Variants in BRSK1 observed in about 807,000 individuals in gnomAD.
BRSK1 encodes serine/threonine-protein kinase BRSK1.
BRSK1 carries 17 observed loss-of-function variants against 86.2 expected under a neutral mutation model. The observed-to-expected ratio is 0.20, with a 90% CI of 0.14 to 0.30. BRSK1 has a LOEUF of 0.30. Among genes scored for constraint, BRSK1 ranks in the 10% least tolerant of loss-of-function variants. The pLI is 1.00. For missense variants in BRSK1, 719 were observed against 1,071.9 expected, an observed-to-expected ratio of 0.67 and a Z score of 4.60; for synonymous variants, 464 against 440.1, an observed-to-expected ratio of 1.05 and a Z score of -0.68.
chr19:55,308,744 G>A lies in BRSK1; in HGVS notation c.2179+16G>A, dbSNP rs577384206. On this transcript the variant is annotated intron_variant, in intron 18 of 18. Transcript: ENST00000309383. ...GCCCTGGCAGGTGGGTGGTGGGGCC[G>A]TGGGTGGTGGGGGGCGTGGGTGGCG... 2.6e-5 allele frequency: 33 copies of A among 1,290,940 alleles called. No homozygotes were observed. Among genetic ancestry groups the A allele is most frequent in the African/African-American group, 3.3e-5 (2 of 60,190 alleles). 80.0% of individuals were successfully genotyped at this position (1,290,940 alleles called of 1,614,324 possible). A position where few individuals can be genotyped will look rare whatever the true frequency, so the allele number is the denominator to read the frequency against.
chr19:55,306,160 C>T lies in BRSK1; in HGVS notation c.1891-92C>T. On this transcript the variant is annotated intron_variant, in intron 16 of 18. Transcript: ENST00000309383. The surrounding 1 kb of genome is among the most constrained non-coding windows in gnomAD (Gnocchi z 4.7). ...CTGTCCTTCTTTCCCTCCAGTGGCTCATGGGACTCGTAGTTCCTTGGCCAG... is the reference window on the plus strand; with the variant it reads ...CTGTCCTTCTTTCCCTCCAGTGGCTTATGGGACTCGTAGTTCCTTGGCCAG... 1.5e-6 allele frequency: 2 copies of T among 1,300,496 alleles called. No individual in the cohort carries two copies. The highest frequency in any genetic ancestry group is 2.2e-6 in the Non-Finnish European group (2 of 929,566). 80.6% of individuals were successfully genotyped at this position (1,300,496 alleles called of 1,614,324 possible).
In BRSK1 at chr19:55,312,069, C is replaced by T; in HGVS notation, c.*1C>T. ...CACCAACGGGACCCCTCTGCCCTGA[C>T]CCCACGGGGCCGGGGAGGGAGGGGA... On this transcript the variant is annotated 3_prime_UTR_variant, in exon 19 of 19. Coordinates refer to ENST00000309383, the MANE Select transcript of BRSK1 (RefSeq NM_032430.2). 1 of 1,419,496 alleles carries T rather than the reference C, an allele frequency of 7.0e-7. No homozygotes were observed. Among genetic ancestry groups the T allele is most frequent in the Non-Finnish European group, 9.2e-7 (1 of 1,083,398 alleles). 87.9% of individuals were successfully genotyped at this position (1,419,496 alleles called of 1,614,324 possible). A position where few individuals can be genotyped will look rare whatever the true frequency, so the allele number is the denominator to read the frequency against.
At position 55,303,834 on chromosome 19, in the gene BRSK1, C is replaced by A. The variant is rs1184037106; in HGVS notation, c.1286+8C>A. On this transcript the variant is annotated splice_region_variant and intron_variant, in intron 12 of 18. Coordinates refer to ENST00000309383, the MANE Select transcript of BRSK1 (RefSeq NM_032430.2). The surrounding 1 kb of genome is among the most constrained non-coding windows in gnomAD (Gnocchi z 5.1). ...GGCCCAGCACAGCCAGAGGTGGGAG[C>A]CCCTGTCCCTCCAGGAGGATCCACA... The A allele has an allele frequency of 1.3e-6, 2 of 1,560,470 alleles. No homozygotes were observed. Among genetic ancestry groups the A allele is most frequent in the African/African-American group, 1.4e-5 (1 of 73,274 alleles).
intron 4 of BRSK1, among the ~76,000 whole-genome samples, chr19:55,290,300 T>A (rs1171273294): frequency 1.3e-5 from 2 of 152,088 alleles, no homozygotes; most frequent in Admixed American, 1.3e-4. Flanking sequence ...CCGGCCTCTT[T>A]GCCCATCTTT....
intron 7 of BRSK1, among the ~76,000 whole-genome samples, chr19:55,301,224 G>C (rs1568985668): frequency 6.6e-6 from 1 of 152,200 alleles, no homozygotes. Flanking sequence ...ACCTTTTGTT[G>C]AATGAGTGAA....
intron 14 of BRSK1, 114 bp downstream of exon 14, chr19:55,305,034 TC>T: frequency 6.8e-7 from 1 of 1,465,648 alleles, no homozygotes; most frequent in Non-Finnish European, 9.1e-7. Context: ...GGGCCTGGAT[TC>T]CCACGTTCTA....
chr19:55,304,731 C>T lies in BRSK1; in HGVS notation c.1528C>T (p.Arg510Cys), dbSNP rs1170669002. 2.0e-6 allele frequency: 3 copies of T among 1,522,080 alleles called. No homozygotes were observed. The highest frequency in any genetic ancestry group is 2.6e-6 in the Non-Finnish European group (3 of 1,140,308). 94.3% of individuals were successfully genotyped at this position (1,522,080 alleles called of 1,614,324 possible). A position where few individuals can be genotyped will look rare whatever the true frequency, so the allele number is the denominator to read the frequency against. ...TPLPGPPGSP[R>C]SSGGTPLHSP... The stretch of plus-strand genomic sequence containing the variant: ...CCTGCCCGGCCCCCCAGGCTCCCCG[C>T]GCTCCTCTGGCGGGACCCCCTTGCA... Residue 510 changes from arginine (R) to cysteine (C), a missense_variant, in exon 14 of 19, where the codon CGC becomes TGC. Around this residue, in one of 6 missense-constraint regions of BRSK1, gnomAD observed 143 missense variants for 120.1 expected, o/e 1.19. Transcript: ENST00000309383. This position sits in a 1 kb window ranked among gnomAD's most constrained non-coding sequence, Gnocchi z 5.2.
At chr19:55,300,118 G>T (rs1181183764) in intron 7 of BRSK1, among the ~76,000 whole-genome samples, 1 of 152,194 alleles carries the variant, frequency 6.6e-6, no homozygotes, top group Non-Finnish European at 1.5e-5. Context: ...TGAGTGTCGA[G>T]TGTGTGTCAG....
Position 55,312,371 on chromosome 19 carries a change from C to A in BRSK1, c.*303C>A. On this transcript the variant is annotated 3_prime_UTR_variant, in exon 19 of 19. Coordinates refer to ENST00000309383, the MANE Select transcript of BRSK1 (RefSeq NM_032430.2). ...AGCTGGTTGGGGTGGCTTAGCAGAT[C>A]CGGACAGGGCCCTCTGTCCCTGTGT... 1 of 198,116 alleles carries A rather than the reference C, an allele frequency of 5.0e-6. No individual in the cohort carries two copies. The highest frequency in any genetic ancestry group is 1.0e-5 in the Non-Finnish European group (1 of 99,202). 12.3% of individuals were successfully genotyped at this position (198,116 alleles called of 1,614,324 possible). A position where few individuals can be genotyped will look rare whatever the true frequency, so the allele number is the denominator to read the frequency against.
intron 3 of BRSK1, among the ~76,000 whole-genome samples, chr19:55,289,033 G>T (rs1259620330): frequency 6.6e-6 from 1 of 152,196 alleles, no homozygotes; most frequent in Non-Finnish European, 1.5e-5. Context: ...GGAATTAGAG[G>T]CTTGGCTTTC....
intron 7 of BRSK1, among the ~76,000 whole-genome samples, chr19:55,297,056 A>G (rs944272746): frequency 3.9e-5 from 6 of 152,136 alleles, no homozygotes; most frequent in South Asian, 4.1e-4. Flanking sequence ...GAAAAGAAAA[A>G]GAATACATAA....
chr19:55,304,941 G>T lies in BRSK1; in HGVS notation c.1717+21G>T, dbSNP rs371983341. 6.2e-7 allele frequency: 1 copy of T among 1,602,262 alleles called. No individual in the cohort carries two copies. The highest frequency in any genetic ancestry group is 1.1e-5 in the South Asian group (1 of 90,852). The stretch of plus-strand genomic sequence containing the variant: ...GCAGGGTATGGGGGCATGAACTGCC[G>T]AGTCCTAATGTGGGGAGAGGTTGGG... On this transcript the variant is annotated intron_variant, in intron 14 of 18. Coordinates refer to ENST00000309383, the MANE Select transcript of BRSK1 (RefSeq NM_032430.2). The surrounding 1 kb of genome is among the most constrained non-coding windows in gnomAD (Gnocchi z 5.2).
chr19:55,308,673 C>T lies in BRSK1; in HGVS notation c.2124C>T (p.Thr708=). 1 of 1,602,662 alleles carries T rather than the reference C, an allele frequency of 6.2e-7. No homozygotes were observed. Among genetic ancestry groups the T allele is most frequent in the South Asian group, 1.1e-5 (1 of 90,874 alleles). Residue 708 remains threonine (T), a synonymous_variant, in exon 18 of 19, where the codon ACC becomes ACT. Transcript: ENST00000309383. ...PSRRFKRVVE[T]IQAQLLSTHD... ...GTCGGTTCAAGCGAGTGGTGGAGAC[C>T]ATCCAGGCACAGCTCCTGAGCACTC...
chr19:55,304,087 T>C lies in BRSK1; in HGVS notation c.1324T>C (p.Ser442Pro), dbSNP rs1301900896. The C allele has an allele frequency of 6.2e-7, 1 of 1,612,816 alleles. No individual in the cohort carries two copies. Among genetic ancestry groups the C allele is most frequent in the Non-Finnish European group, 8.5e-7 (1 of 1,179,816 alleles). The change falls in exon 13 of 19, where the codon TCC becomes CCC. Residue 442 changes from serine to proline, a missense_variant. Physicochemically the swap from Ser to Pro is moderately conservative, Grantham distance 74. Around this residue, in one of 6 missense-constraint regions of BRSK1, gnomAD observed 168 missense variants for 246.3 expected, o/e 0.68. Coordinates refer to ENST00000309383, the MANE Select transcript of BRSK1 (RefSeq NM_032430.2). The surrounding 1 kb of genome is among the most constrained non-coding windows in gnomAD (Gnocchi z 5.2). ...CAGTGGAGCCTCCACGGGTCTGTCC[T>C]CCAGCCCTCTAAGCAGCCCAAGGGT... Reference protein sequence around the residue: ...SVSGASTGLSSSPLSSPRSPV... With the variant: ...SVSGASTGLSPSPLSSPRSPV...
At chr19:55,296,839 C>T (rs558080162) in intron 7 of BRSK1, among the ~76,000 whole-genome samples, 123 of 151,672 alleles carry the variant, frequency 8.1e-4, no homozygotes, top group African/African-American at 2.6e-3. Context: ...CAGAGCGAGA[C>T]TCCGTCTCAA....
intron 7 of BRSK1, 49 bp from the exon 8 acceptor site, chr19:55,301,463 G>GGTGAGGGTGAAATGTGCTA: frequency 6.3e-7 from 1 of 1,592,718 alleles, no homozygotes. Flanking sequence ...CAGTGCTTGT[G>GGTGAGGGTGAAATGTGCTA]GTGAGGGTGA....
At chr19:55,295,417 C>T (rs2088471885) in intron 7 of BRSK1, among the ~76,000 whole-genome samples, 1 of 152,182 alleles carries the variant, frequency 6.6e-6, no homozygotes, top group Non-Finnish European at 1.5e-5. Context: ...GGCCACCGAA[C>T]CCAGCCCATC....
At position 55,294,467 on chromosome 19, in the gene BRSK1, T is replaced by C; in HGVS notation, c.678+70T>C. ...CTGGTGGGAGCATAGGACAGTACCT[T>C]CCATCCTCAGGTCATCTCCTGAATT... On this transcript the variant is annotated intron_variant, in intron 7 of 18. Coordinates refer to ENST00000309383, the MANE Select transcript of BRSK1 (RefSeq NM_032430.2). This position sits in a 1 kb window ranked among gnomAD's most constrained non-coding sequence, Gnocchi z 4.9. 1.3e-6 allele frequency: 2 copies of C among 1,512,326 alleles called. No homozygotes were observed. The highest frequency in any genetic ancestry group is 1.8e-6 in the Non-Finnish European group (2 of 1,102,282). 93.7% of individuals were successfully genotyped at this position (1,512,326 alleles called of 1,614,324 possible). A position where few individuals can be genotyped will look rare whatever the true frequency, so the allele number is the denominator to read the frequency against.
chr19:55,301,507 C>G lies in BRSK1; in HGVS notation c.679-5C>G. On this transcript the variant is annotated splice_region_variant and splice_polypyrimidine_tract_variant and intron_variant, in intron 7 of 18. Transcript: ENST00000309383. ...AATGAGGGGTCCTGGTTATCTCTTG[C>G]CCAGGGGGCTCTGCCCTTTGATGAC... 6.2e-7 allele frequency: 1 copy of G among 1,613,236 alleles called. No individual in the cohort carries two copies. Among genetic ancestry groups the G allele is most frequent in the Non-Finnish European group, 8.5e-7 (1 of 1,179,740 alleles).
Sources: gnomAD v4.1 joint callset for allele counts (sites outside exome capture counted in the v4.1 genomes callset) on GRCh38, gnomAD v4.1.1 for gene constraint, gnomAD v4.1.1 regional missense constraint, Gnocchi (gnomAD v3.1) non-coding constraint, MANE v1.5 for transcripts, NCBI Gene and HGNC (gene_info 2026-07-23, HGNC 2026-07-21) for gene names.